TTC28: variants seen among roughly 807,000 people sequenced by gnomAD.
TTC28 encodes the protein tetratricopeptide repeat domain 28, also known as tetratricopeptide repeat protein 28.
TTC28 carries 61 observed loss-of-function variants against 198.0 expected under a neutral mutation model. The ratio of observed to expected loss-of-function variants is 0.31; its 90% CI spans 0.25 to 0.38. The LOEUF is 0.38. Ranked by LOEUF, TTC28 falls within the 10% of genes least tolerant of loss-of-function variation. The pLI is 1.00. For missense variants in TTC28, 2,678 were observed against 3,164.0 expected (o/e 0.85, Z 3.69); for synonymous variants, 1,171 against 1,297.8 (o/e 0.90, Z 2.10).
chr22:28,339,407 C>G (rs986634136), intron 2 of TTC28, among the ~76,000 whole-genome samples: 1 of 152,200 alleles, frequency 6.6e-6, no homozygotes, highest in Non-Finnish European at 1.5e-5. Context: ...AACCACTACT[C>G]TCTTCAAAGC....
intron 2 of TTC28, among the ~76,000 whole-genome samples, chr22:28,520,440 C>T (rs533487512): frequency 6.6e-6 from 1 of 152,282 alleles, no homozygotes; most frequent in South Asian, 2.1e-4. Context: ...ACTCAACTCA[C>T]TCAAAGGCAA....
chr22:28,545,937 C>T (rs1046189655), intron 2 of TTC28, among the ~76,000 whole-genome samples: 1 of 152,064 alleles, frequency 6.6e-6, no homozygotes, highest in African/African-American at 2.4e-5. Context: ...CAATTTCAAT[C>T]AAAATTCCAA....
intron 2 of TTC28, among the ~76,000 whole-genome samples, chr22:28,583,332 T>G (rs2050259012): frequency 6.6e-6 from 1 of 152,214 alleles, no homozygotes; most frequent in African/African-American, 2.4e-5. Context: ...GTTATAAATG[T>G]GTACAATATT....
At chr22:28,653,331 C>T (rs1180163919) in intron 1 of TTC28, among the ~76,000 whole-genome samples, 1 of 152,046 alleles carries the variant, frequency 6.6e-6, no homozygotes, top group Non-Finnish European at 1.5e-5. Flanking sequence ...TGGCGAAACC[C>T]CATCTCTACT....
intron 5 of TTC28, among the ~76,000 whole-genome samples, chr22:28,276,418 G>A (rs2056962): frequency 0.18 from 27,799 of 152,074 alleles, 3,264 homozygotes; most frequent in Non-Finnish European, 0.26. Context: ...GGAAAAATAA[G>A]TACCTGACTG....
At chr22:28,304,208 C>A (rs983350920) in intron 3 of TTC28, among the ~76,000 whole-genome samples, 3 of 151,836 alleles carry the variant, frequency 2.0e-5, no homozygotes, top group African/African-American at 7.3e-5. Flanking sequence ...TGGCGTGAAC[C>A]CGGGAGGCGG....
intron 2 of TTC28, among the ~76,000 whole-genome samples, chr22:28,413,638 T>C (rs555344899): frequency 6.6e-6 from 1 of 152,278 alleles, no homozygotes; most frequent in East Asian, 1.9e-4. Flanking sequence ...TTATTTTAAA[T>C]TTATAATGCA....
At chr22:28,494,569 C>T (rs562622963) in intron 2 of TTC28, among the ~76,000 whole-genome samples, 2 of 152,278 alleles carry the variant, frequency 1.3e-5, no homozygotes, top group Non-Finnish European at 2.9e-5. Context: ...GAATTATTTG[C>T]CTTGCTTCCT....
At chr22:28,602,287 TAG>T in intron 2 of TTC28, among the ~76,000 whole-genome samples, 1 of 152,242 alleles carries the variant, frequency 6.6e-6, no homozygotes, top group Non-Finnish European at 1.5e-5. Flanking sequence ...CTATCTAAAC[TAG>T]AGACTCCTAA....
At chr22:28,439,299 T>C (rs747218745) in intron 2 of TTC28, among the ~76,000 whole-genome samples, 1 of 152,136 alleles carries the variant, frequency 6.6e-6, no homozygotes, top group Non-Finnish European at 1.5e-5. Context: ...CTCTAAATGC[T>C]CCAAGAATTC....
intron 2 of TTC28, among the ~76,000 whole-genome samples, chr22:28,461,569 T>G (rs931896035): frequency 3.3e-5 from 5 of 152,172 alleles, no homozygotes; most frequent in African/African-American, 7.2e-5. Context: ...CCCAAGTAGC[T>G]GGGATTACGG....
At chr22:28,579,987 T>TACACAC (rs374039787) in intron 2 of TTC28, among the ~76,000 whole-genome samples, 1 of 150,816 alleles carries the variant, frequency 6.6e-6, no homozygotes, top group Non-Finnish European at 1.5e-5. Context: ...AAAAAAATTA[T>TACACAC]ACACACACAC....
intron 6 of TTC28, among the ~76,000 whole-genome samples, chr22:28,156,349 A>C (rs770445858): frequency 3.3e-5 from 5 of 152,184 alleles, no homozygotes. Flanking sequence ...CTGAAGGAGG[A>C]AGATGGCAGC....
chr22:28,126,086 C>T (rs1327901637), intron 6 of TTC28, among the ~76,000 whole-genome samples: 1 of 152,132 alleles, frequency 6.6e-6, no homozygotes. Context: ...TGTTTTGGTC[C>T]TAGAGAGGAT....
intron 2 of TTC28, among the ~76,000 whole-genome samples, chr22:28,378,131 C>T (rs2046439701): frequency 1.3e-5 from 2 of 152,072 alleles, no homozygotes; most frequent in Non-Finnish European, 2.9e-5. Flanking sequence ...TTATTCAAGG[C>T]CAGGAGTTCA....
chr22:28,470,531 T>C (rs1056581520), intron 2 of TTC28, among the ~76,000 whole-genome samples: 3 of 152,190 alleles, frequency 2.0e-5, no homozygotes, highest in Non-Finnish European at 2.9e-5. Context: ...CCCAAATTTC[T>C]ACCATAGGAG....
rs531277671 is a variant in TTC28, at chr22:28,375,740, G to A, written c.382-69097C>T. Among the ~76,000 whole-genome samples, 316 of 152,286 alleles carry A rather than the reference G, an allele frequency of 2.1e-3. 2 individuals carry two copies. Among genetic ancestry groups the A allele is most frequent in the African/African-American group, 7.1e-3 (296 of 41,568 alleles). On this transcript the variant is annotated intron_variant, in intron 2 of 22. Coordinates refer to ENST00000397906, the MANE Select transcript of TTC28 (RefSeq NM_001145418.2). ...ATATTGGCAGGTAAGTCAGTGGACT[G>A]AGTAGGGAAGATCTGCCCTCAATGT... is the stretch of plus-strand genomic sequence containing the variant.
intron 2 of TTC28, among the ~76,000 whole-genome samples, chr22:28,378,620 G>A (rs181249471): frequency 9.9e-4 from 150 of 151,660 alleles, no homozygotes; most frequent in Admixed American, 2.2e-3. Flanking sequence ...ACTCTACCAT[G>A]AGCAATAGAG....
intron 2 of TTC28, among the ~76,000 whole-genome samples, chr22:28,324,428 CA>C (rs134480): frequency 0.96 from 140,391 of 146,554 alleles, 67,198 homozygotes; most frequent in East Asian, 0.99. Context: ...GGGAGAGACA[CA>C]AAAAAAAAAA....
Sources: allele counts gnomAD v4.1 joint callset (sites outside exome capture counted in the v4.1 genomes callset), GRCh38; gene constraint gnomAD v4.1.1; transcripts MANE v1.5; gene names NCBI Gene and HGNC (gene_info 2026-07-23, HGNC 2026-07-21).